The following FHIT variants were observed in gnomAD, a reference collection of about 807,000 sequenced individuals.
The protein encoded by FHIT is fragile histidine triad diadenosine triphosphatase.
FHIT carries 19 observed loss-of-function variants against 17.9 expected under a neutral mutation model. The ratio of observed to expected loss-of-function variants is 1.06; its 90% confidence interval spans 0.74 to 1.56. The LOEUF is 1.56. Among genes scored for constraint, FHIT ranks in the 40% most tolerant of loss-of-function variants. FHIT has a pLI of 0.00. For missense variants in FHIT, 248 were observed against 189.2 expected (o/e 1.31, Z -1.82); for synonymous variants, 81 against 69.7 (o/e 1.16, Z -0.81).
intron 8 of FHIT, among the ~76,000 whole-genome samples, chr3:59,833,790 A>T (rs1156878667): frequency 2.0e-5 from 3 of 152,074 alleles, no homozygotes; most frequent in Non-Finnish European, 4.4e-5. Flanking sequence ...ACCTGGTGGG[A>T]GGTGATTGGA....
chr3:59,982,047 G>A (rs1708678254), intron 7 of FHIT, among the ~76,000 whole-genome samples: 1 of 134,820 alleles, frequency 7.4e-6, no homozygotes, highest in East Asian at 2.3e-4. Context: ...ACTAAGCACT[G>A]GCTAGTCTTA....
At chr3:59,828,519 G>C (rs1701052441) in intron 8 of FHIT, among the ~76,000 whole-genome samples, 1 of 152,170 alleles carries the variant, frequency 6.6e-6, no homozygotes, top group Non-Finnish European at 1.5e-5. Context: ...GATAAAGTAT[G>C]GCTATTTGAA....
At chr3:60,740,025 A>G (rs2042211416) in intron 4 of FHIT, among the ~76,000 whole-genome samples, 1 of 152,258 alleles carries the variant, frequency 6.6e-6, no homozygotes, top group Non-Finnish European at 1.5e-5. Flanking sequence ...ATATCCTTCT[A>G]TCTGATTAGA....
At chr3:60,345,243 C>A (rs1431421851) in intron 5 of FHIT, among the ~76,000 whole-genome samples, 1 of 152,158 alleles carries the variant, frequency 6.6e-6, no homozygotes, top group Non-Finnish European at 1.5e-5. Flanking sequence ...TACTACAGGT[C>A]CCTGTTGAAG....
intron 1 of FHIT, among the ~76,000 whole-genome samples, chr3:61,237,685 G>A (rs1040612355): frequency 1.3e-5 from 2 of 152,174 alleles, no homozygotes; most frequent in Non-Finnish European, 2.9e-5. Context: ...GTATGTATCA[G>A]GCACTGTGTA....
intron 5 of FHIT, among the ~76,000 whole-genome samples, chr3:60,420,069 T>C (rs1279086775): frequency 6.6e-6 from 1 of 152,176 alleles, no homozygotes; most frequent in Non-Finnish European, 1.5e-5. Context: ...TCTTGCTTTA[T>C]TTCTTATTCT....
chr3:60,160,195 G>A (rs1700880483), intron 5 of FHIT, among the ~76,000 whole-genome samples: 1 of 151,948 alleles, frequency 6.6e-6, no homozygotes, highest in Non-Finnish European at 1.5e-5. Flanking sequence ...AAAATGCCTT[G>A]GTTAAGAAAG....
At chr3:59,850,689 C>G (rs1701898765) in intron 8 of FHIT, among the ~76,000 whole-genome samples, 1 of 152,192 alleles carries the variant, frequency 6.6e-6, no homozygotes, top group Admixed American at 6.5e-5. Context: ...CCTCTCTTCT[C>G]AGCTCCTGCA....
At chr3:60,364,354 A>AC (rs1700024683) in intron 5 of FHIT, among the ~76,000 whole-genome samples, 1 of 151,380 alleles carries the variant, frequency 6.6e-6, no homozygotes, top group African/African-American at 2.4e-5. Context: ...ACCTCCTTTG[A>AC]CCCCCTCCTT....
At chr3:60,446,857 AAATAATAATAATAATAATAAT>A (rs144268974) in intron 5 of FHIT, among the ~76,000 whole-genome samples, 5 of 139,028 alleles carry the variant, frequency 3.6e-5, no homozygotes, top group Admixed American at 7.4e-5. Flanking sequence ...TATCTCATTA[AAATAATAATAATAATAATAAT>A]AATAATAATA....
intron 5 of FHIT, among the ~76,000 whole-genome samples, chr3:60,331,078 T>C (rs1157477641): frequency 6.6e-6 from 1 of 152,152 alleles, no homozygotes; most frequent in East Asian, 1.9e-4. Flanking sequence ...GAAGGTCTTG[T>C]GCAATCTTAA....
At chr3:61,124,769 C>T (rs1012920162) in intron 2 of FHIT, among the ~76,000 whole-genome samples, 2 of 152,148 alleles carry the variant, frequency 1.3e-5, no homozygotes, top group South Asian at 2.1e-4. Context: ...CCTTTTCTAA[C>T]TGAATGAAAT....
chr3:61,020,334 T>A (rs2032346900), intron 3 of FHIT, among the ~76,000 whole-genome samples: 1 of 152,246 alleles, frequency 6.6e-6, no homozygotes, highest in African/African-American at 2.4e-5. Context: ...CATAAATGTC[T>A]TCTTTTGAGA....
intron 4 of FHIT, among the ~76,000 whole-genome samples, chr3:60,799,019 G>GT (rs1701092627): frequency 6.6e-6 from 1 of 151,976 alleles, no homozygotes; most frequent in Non-Finnish European, 1.5e-5. Flanking sequence ...CCTGCAATAG[G>GT]TTTTTTATTG....
At chr3:60,173,918 T>TATATATA (rs375142735) in intron 5 of FHIT, among the ~76,000 whole-genome samples, 2 of 46,856 alleles carry the variant, frequency 4.3e-5, no homozygotes, top group Admixed American at 3.0e-4. Context: ...TATATATATG[T>TATATATA]TTTTTTTTTT....
chr3:60,537,312 A>G (rs1391155087), intron 4 of FHIT: 1 of 221,440 alleles, frequency 4.5e-6, no homozygotes, highest in Non-Finnish European at 7.6e-6. Context: ...TCAGCTACTT[A>G]TTTTTACCCA....
chr3:60,431,771 G>A (rs376758476), intron 5 of FHIT, among the ~76,000 whole-genome samples: 5 of 151,940 alleles, frequency 3.3e-5, no homozygotes, highest in African/African-American at 1.2e-4. Flanking sequence ...CCCTTCTGGT[G>A]AGCACTTACA....
chr3:60,700,821 AAGTTGAGCAG>A (rs1486817018), intron 4 of FHIT, among the ~76,000 whole-genome samples: 1 of 152,170 alleles, frequency 6.6e-6, no homozygotes, highest in African/African-American at 2.4e-5. Context: ...ACTACTAGTA[AAGTTGAGCAG>A]AGTTGCATGT....
Position 61,033,250 on chromosome 3 carries a change from C to A in FHIT, c.-111+8797G>T, listed in dbSNP as rs1575875775. ...CTGCCACGTATTTTTGTTAACAAAG[C>A]TTTACTGGAACACAGCCAGTTATTT... is the stretch of plus-strand genomic sequence containing the variant. On this transcript the variant is annotated intron_variant, in intron 3 of 9. Coordinates refer to ENST00000492590, the MANE Select transcript of FHIT (RefSeq NM_002012.4). 3.3e-5 allele frequency among the ~76,000 whole-genome samples: 5 copies of A among 152,132 alleles called. No homozygotes were observed. In the East Asian group the frequency reaches 9.6e-4, roughly 29 times the overall value.
Sources: gnomAD v4.1 joint callset for allele counts (sites outside exome capture counted in the v4.1 genomes callset) on GRCh38, gnomAD v4.1.1 for gene constraint, MANE v1.5 for transcripts, NCBI Gene and HGNC (gene_info 2026-07-23, HGNC 2026-07-21) for gene names.